Variants in MAML2 observed in about 807,000 individuals in gnomAD.
The protein encoded by MAML2 is mastermind-like protein 2.
A neutral mutation model predicts 96.1 loss-of-function variants in MAML2; 22 were observed. The ratio of observed to expected loss-of-function variants is 0.23; its 90% CI spans 0.16 to 0.33. MAML2 has a LOEUF of 0.33. MAML2 is among the 10% of genes least tolerant of loss of function. The pLI, the probability that MAML2 is intolerant of heterozygous loss-of-function variation, is 1.00. For missense variants in MAML2, 1,367 were observed against 1,392.4 expected (o/e 0.98, Z 0.29); for synonymous variants, 561 against 521.3 (o/e 1.08, Z -1.04).
At chr11:96,251,023 A>C (rs537907801) in intron 1 of MAML2, among the ~76,000 whole-genome samples, 1 of 152,336 alleles carries the variant, frequency 6.6e-6, no homozygotes, top group Non-Finnish European at 1.5e-5. Flanking sequence ...AAGAGGGAGC[A>C]ATAAAACAAA....
At chr11:96,284,715 G>A (rs558981084) in intron 1 of MAML2, among the ~76,000 whole-genome samples, 7 of 152,264 alleles carry the variant, frequency 4.6e-5, no homozygotes, top group South Asian at 2.1e-4. Flanking sequence ...ATTAGCAACC[G>A]CAGTTTAGAA....
intron 1 of MAML2, among the ~76,000 whole-genome samples, chr11:96,203,428 C>T (rs1206144177): frequency 6.6e-6 from 1 of 152,152 alleles, no homozygotes; most frequent in Non-Finnish European, 1.5e-5. Context: ...TCAGATTATG[C>T]CTTAAAAATG....
At chr11:96,305,646 T>C (rs1863452714) in intron 1 of MAML2, among the ~76,000 whole-genome samples, 1 of 152,222 alleles carries the variant, frequency 6.6e-6, no homozygotes, top group Non-Finnish European at 1.5e-5. Flanking sequence ...TTCCCAAATG[T>C]CTAGATATCT....
chr11:96,210,036 C>G (rs1861947418), intron 1 of MAML2, among the ~76,000 whole-genome samples: 1 of 152,142 alleles, frequency 6.6e-6, no homozygotes, highest in Admixed American at 6.5e-5. Context: ...TTCAAAGATT[C>G]TCAGTTAATT....
chr11:96,179,963 A>C (rs1026218415), intron 1 of MAML2, among the ~76,000 whole-genome samples: 1 of 152,222 alleles, frequency 6.6e-6, no homozygotes, highest in Non-Finnish European at 1.5e-5. Flanking sequence ...TCAATCAGAA[A>C]AGGATAGTAG....
intron 2 of MAML2, among the ~76,000 whole-genome samples, chr11:96,074,830 C>T (rs947777933): frequency 6.6e-5 from 10 of 152,194 alleles, no homozygotes; most frequent in African/African-American, 2.4e-4. Context: ...CAGGGAAGAG[C>T]CTTCACTTCC....
chr11:96,183,160 T>C (rs1218852261), intron 1 of MAML2, among the ~76,000 whole-genome samples: 1 of 151,998 alleles, frequency 6.6e-6, no homozygotes, highest in Non-Finnish European at 1.5e-5. Flanking sequence ...GGTTACATCA[T>C]GTTGGCCAGG....
intron 2 of MAML2, among the ~76,000 whole-genome samples, chr11:96,086,759 A>G (rs1859622481): frequency 6.6e-6 from 1 of 152,192 alleles, no homozygotes; most frequent in African/African-American, 2.4e-5. Context: ...AGAGCTAAGA[A>G]TGGAGCAATA....
intron 1 of MAML2, among the ~76,000 whole-genome samples, chr11:96,101,655 A>G (rs1207696150): frequency 6.6e-6 from 1 of 152,214 alleles, no homozygotes; most frequent in Non-Finnish European, 1.5e-5. Context: ...CATGTAAAGC[A>G]CCAGCATTAT....
intron 2 of MAML2, among the ~76,000 whole-genome samples, chr11:95,996,874 T>G (rs979835295): frequency 3.3e-5 from 5 of 152,162 alleles, no homozygotes; most frequent in Non-Finnish European, 5.9e-5. Flanking sequence ...AATCATCTGT[T>G]TTTTCCCCAA....
At position 96,341,657 on chromosome 11, in the gene MAML2, A is replaced by T; in HGVS notation, c.239T>A (p.Val80Glu). 1 of 1,570,648 alleles carries T rather than the reference A, an allele frequency of 6.4e-7. No individual in the cohort carries two copies. The highest frequency in any genetic ancestry group is 1.2e-5 in the South Asian group (1 of 85,710). ...TTTCCTTGCCCCCTGGCCATGCTGTACAAGGCTCAGGAGCTGCAAGGTGCT... is the reference window on the plus strand; with the variant it reads ...TTTCCTTGCCCCCTGGCCATGCTGTTCAAGGCTCAGGAGCTGCAAGGTGCT... ...RESTLQLLSLVQHGQGARKAG... is the reference protein window; with the variant it reads ...RESTLQLLSLEQHGQGARKAG... The change falls in exon 1 of 5, where the codon GTA (valine) becomes GAA (glutamate). Residue 80 changes from valine to glutamate, a missense_variant. Physicochemically the swap from Val to Glu is moderately radical, Grantham distance 121. Coordinates refer to ENST00000524717, the MANE Select transcript of MAML2 (RefSeq NM_032427.4).
intron 1 of MAML2, among the ~76,000 whole-genome samples, chr11:96,211,489 C>T (rs925451772): frequency 1.2e-4 from 18 of 149,108 alleles, no homozygotes; most frequent in African/African-American, 3.9e-4. Context: ...ATTTGATGAG[C>T]TCAAAGTCTG....
chr11:96,154,025 T>A (rs1226874108), intron 1 of MAML2, among the ~76,000 whole-genome samples: 1 of 152,218 alleles, frequency 6.6e-6, no homozygotes, highest in Non-Finnish European at 1.5e-5. Context: ...TTACAGTGTT[T>A]AAAACAACAC....
At chr11:96,179,405 C>T (rs1861448657) in intron 1 of MAML2, among the ~76,000 whole-genome samples, 1 of 152,088 alleles carries the variant, frequency 6.6e-6, no homozygotes, top group African/African-American at 2.4e-5. Context: ...CCTTCCAGTC[C>T]TTCCTTATTT....
At chr11:96,162,336 A>G (rs555769464) in intron 1 of MAML2, among the ~76,000 whole-genome samples, 3 of 151,858 alleles carry the variant, frequency 2.0e-5, no homozygotes, top group African/African-American at 7.3e-5. Context: ...TTAAAAAGCT[A>G]GTTAGATACT....
intron 1 of MAML2, among the ~76,000 whole-genome samples, chr11:96,265,793 C>T (rs1862817582): frequency 6.6e-6 from 1 of 152,174 alleles, no homozygotes; most frequent in Non-Finnish European, 1.5e-5. Flanking sequence ...GAGCGCTCGG[C>T]CCCCAAGCGG....
intron 3 of MAML2, 128 bp from the exon 4 acceptor site, chr11:95,985,770 A>G (rs1333455427): frequency 3.4e-6 from 2 of 590,906 alleles, no homozygotes; most frequent in East Asian, 5.8e-5. Context: ...ACAAATCATG[A>G]CCTTATTTTG....
chr11:96,310,481 T>A (rs1863526418), intron 1 of MAML2, among the ~76,000 whole-genome samples: 1 of 152,230 alleles, frequency 6.6e-6, no homozygotes, highest in African/African-American at 2.4e-5. Context: ...CATTGCTGCA[T>A]ATGAGTTGAA....
chr11:96,073,959 C>G (rs1420947508), intron 2 of MAML2, among the ~76,000 whole-genome samples: 1 of 152,070 alleles, frequency 6.6e-6, no homozygotes, highest in Non-Finnish European at 1.5e-5. Context: ...AGGGATTTAC[C>G]AAACCGTTAA....
Sources: gnomAD v4.1 joint callset for allele counts (sites outside exome capture counted in the v4.1 genomes callset) on GRCh38, gnomAD v4.1.1 for gene constraint, MANE v1.5 for transcripts, NCBI Gene and HGNC (gene_info 2026-07-23, HGNC 2026-07-21) for gene names.